The following GRHL2 variants were observed in gnomAD, a reference collection of about 807,000 sequenced individuals.
GRHL2 encodes the protein grainyhead-like protein 2 homolog.
GRHL2 carries 21 observed loss-of-function variants against 83.8 expected under a neutral mutation model. The ratio of observed to expected loss-of-function variants is 0.25; its 90% CI spans 0.18 to 0.36. The LOEUF (loss-of-function observed/expected upper bound fraction) is 0.36. GRHL2 is among the 10% of genes least tolerant of loss of function. The probability of loss-of-function intolerance (pLI) is 1.00; values close to 1 mark genes in which losing one functional copy is unlikely to be tolerated. For missense variants in GRHL2, 623 were observed against 781.8 expected, an observed-to-expected ratio of 0.80 and a Z score of 2.42; for synonymous variants, 280 against 278.9, an observed-to-expected ratio of 1.00 and a Z score of -0.04.
intron 1 of GRHL2, among the ~76,000 whole-genome samples, chr8:101,513,268 C>T (rs1485070956): frequency 1.3e-5 from 2 of 151,930 alleles, no homozygotes; most frequent in African/African-American, 2.4e-5. Flanking sequence ...GGGGTTGTGG[C>T]CTTGGGTAAA....
chr8:101,497,346 C>T (rs1269612358), intron 1 of GRHL2, among the ~76,000 whole-genome samples: 1 of 152,238 alleles, frequency 6.6e-6, no homozygotes, highest in Non-Finnish European at 1.5e-5. Context: ...TTGCTGCCTT[C>T]CTCTTGCTCT....
At chr8:101,637,013 G>T in intron 12 of GRHL2, 85 bp downstream of exon 12, 1 of 1,240,266 alleles carries the variant, frequency 8.1e-7, no homozygotes. Context: ...GTAACCCTAG[G>T]CAGGAAGTGA....
chr8:101,634,284 T>A (rs550717437), intron 11 of GRHL2, among the ~76,000 whole-genome samples: 2 of 152,210 alleles, frequency 1.3e-5, no homozygotes, highest in East Asian at 3.9e-4. Flanking sequence ...CACTCAGCTG[T>A]CCCTAGAACA....
intron 1 of GRHL2, among the ~76,000 whole-genome samples, chr8:101,509,172 T>TCC (rs1554581583): frequency 1.2e-5 from 1 of 86,522 alleles, no homozygotes; most frequent in African/African-American, 3.4e-5. Flanking sequence ...CTTTCTTTCT[T>TCC]TTTCTTTCTT....
chr8:101,667,137 G>A lies in GRHL2; in HGVS notation c.*434G>A, dbSNP rs1814086113. The A allele has an allele frequency of 3.8e-6, 1 of 261,596 alleles. No individual in the cohort carries two copies. Among genetic ancestry groups the A allele is most frequent in the Non-Finnish European group, 7.6e-6 (1 of 131,442 alleles). The allele number at this position is 261,596 out of a possible 1,614,324, so 16.2% of individuals were successfully genotyped here. On this transcript the variant is annotated 3_prime_UTR_variant, in exon 16 of 16. Transcript: ENST00000646743. ...TATCTCCCGAGTGGCTGGACAAAAT[G>A]AGCTACGTCTGGGTGCAGTAGTTAT...
intron 6 of GRHL2, 128 bp from the exon 7 acceptor site, chr8:101,577,280 T>C: frequency 1.4e-6 from 1 of 709,698 alleles, no homozygotes; most frequent in Non-Finnish European, 2.6e-6. Context: ...GCCAAGCTTG[T>C]CTGGGCTTTT....
chr8:101,632,737 A>T (rs1369304944), intron 11 of GRHL2, among the ~76,000 whole-genome samples: 1 of 152,250 alleles, frequency 6.6e-6, no homozygotes, highest in East Asian at 1.9e-4. Context: ...GTAACTGCAT[A>T]AAGTTGCACA....
chr8:101,544,930 G>T (rs1331372938), intron 2 of GRHL2, among the ~76,000 whole-genome samples: 1 of 151,994 alleles, frequency 6.6e-6, no homozygotes, highest in African/African-American at 2.4e-5. Context: ...ACCACCTCTG[G>T]CATTGCCACC....
downstream of GRHL2, among the ~76,000 whole-genome samples, chr8:101,674,043 G>A (rs1814251593): frequency 6.6e-6 from 1 of 152,114 alleles, no homozygotes; most frequent in African/African-American, 2.4e-5. Flanking sequence ...GAATCTCTGG[G>A]ACACATTCAA....
chr8:101,634,603 C>T (rs537917853), intron 11 of GRHL2, among the ~76,000 whole-genome samples: 73 of 152,286 alleles, frequency 4.8e-4, no homozygotes, highest in African/African-American at 1.6e-3. Flanking sequence ...CAGAAACCGC[C>T]GCAGTCCTGA....
chr8:101,510,383 A>G (rs1157669910), intron 1 of GRHL2, among the ~76,000 whole-genome samples: 4 of 152,222 alleles, frequency 2.6e-5, no homozygotes, highest in Admixed American at 6.5e-5. Context: ...ATGTCAGCAG[A>G]GCATTATATA....
At chr8:101,595,976 C>T (rs1343671074) in intron 7 of GRHL2, among the ~76,000 whole-genome samples, 1 of 151,872 alleles carries the variant, frequency 6.6e-6, no homozygotes, top group Non-Finnish European at 1.5e-5. Flanking sequence ...AAAAATTAGC[C>T]TGGTGTGGTG....
intron 8 of GRHL2, among the ~76,000 whole-genome samples, chr8:101,613,216 A>G (rs114044077): frequency 0.015 from 2,319 of 151,054 alleles, 225 homozygotes; most frequent in African/African-American, 0.054. Flanking sequence ...GGGGAACTAC[A>G]GTAGAGTATG....
chr8:101,678,167 G>A, the GRHL2 span, among the ~76,000 whole-genome samples: 2 of 152,186 alleles, frequency 1.3e-5, no homozygotes, highest in African/African-American at 4.8e-5. Context: ...TTCCATCTGA[G>A]GTACTGGGTT....
chr8:101,660,213 T>A (rs886668065), intron 14 of GRHL2, among the ~76,000 whole-genome samples: 1 of 152,160 alleles, frequency 6.6e-6, no homozygotes, highest in African/African-American at 2.4e-5. Flanking sequence ...ATCAGATGCA[T>A]AAAGTTTTAT....
chr8:101,655,728 CA>C (rs1813771726), intron 14 of GRHL2, among the ~76,000 whole-genome samples: 1 of 152,126 alleles, frequency 6.6e-6, no homozygotes, highest in African/African-American at 2.4e-5. Flanking sequence ...AAGCCATCCA[CA>C]TAACTTTGAT....
chr8:101,570,860 A>G (rs933884340), intron 5 of GRHL2, among the ~76,000 whole-genome samples: 2 of 152,180 alleles, frequency 1.3e-5, no homozygotes, highest in African/African-American at 4.8e-5. Flanking sequence ...TAAATGCTGA[A>G]TTGTCTGTTC....
chr8:101,615,581 G>A (rs1205668354), intron 8 of GRHL2, among the ~76,000 whole-genome samples: 2 of 152,166 alleles, frequency 1.3e-5, no homozygotes, highest in Non-Finnish European at 1.5e-5. Context: ...TGGCCAAAAC[G>A]ATGAACAACT....
intron 13 of GRHL2, among the ~76,000 whole-genome samples, chr8:101,646,997 A>G (rs1467139465): frequency 6.6e-6 from 1 of 152,196 alleles, no homozygotes; most frequent in Non-Finnish European, 1.5e-5. Flanking sequence ...TTCCAGCCAC[A>G]CCTGAAGCAA....
Sources: gnomAD v4.1 joint callset for allele counts (sites outside exome capture counted in the v4.1 genomes callset) on GRCh38, gnomAD v4.1.1 for gene constraint, MANE v1.5 for transcripts, NCBI Gene and HGNC (gene_info 2026-07-23, HGNC 2026-07-21) for gene names.